The following VSTM4 variants were observed in gnomAD, a reference collection of about 807,000 sequenced individuals.
The protein encoded by VSTM4 is V-set and transmembrane domain-containing protein 4.
Under a neutral mutation model 36.4 loss-of-function variants are expected in VSTM4, and 20 were observed. The observed-to-expected ratio is 0.55, with a 90% CI of 0.39 to 0.80. The LOEUF is 0.80. Among genes scored for constraint, VSTM4 ranks in the 30% least tolerant of loss-of-function variants. The pLI, the probability that VSTM4 is intolerant of heterozygous loss-of-function variation, is 0.00. For synonymous variants in VSTM4, 182 were observed against 173.9 expected (o/e 1.05, Z -0.37); for missense variants, 392 against 404.5 (o/e 0.97, Z 0.26).
At chr10:49,109,837 G>A (rs1433515410) in intron 1 of VSTM4, among the ~76,000 whole-genome samples, 4 of 152,202 alleles carry the variant, frequency 2.6e-5, no homozygotes, top group African/African-American at 9.7e-5. Context: ...CCTCCTGCAA[G>A]GCAAATGAAG....
intron 1 of VSTM4, among the ~76,000 whole-genome samples, chr10:49,108,613 G>A (rs1331189447): frequency 1.3e-5 from 2 of 152,180 alleles, no homozygotes; most frequent in African/African-American, 4.8e-5. Flanking sequence ...GGGTTGCTTG[G>A]TTTCCTATTT....
chr10:49,085,958 CA>C lies in VSTM4; in HGVS notation c.522del (p.Phe174LeufsTer39), dbSNP rs1308173148. On this transcript the variant is annotated frameshift_variant, in exon 3 of 8. Coordinates refer to ENST00000332853, the MANE Select transcript of VSTM4 (RefSeq NM_001031746.5). LOFTEE classifies it high-confidence loss of function. ...FEKTKETWAF[F>X]EDLYVYAVLV... The stretch of plus-strand genomic sequence containing the variant: ...AAAAGAAATATACAAGCTTTACCTT[CA>C]AAAAATGCCCAAGTCTCTTTTGTTT... 2 of 1,583,896 alleles carry C rather than the reference CA, an allele frequency of 1.3e-6. No homozygotes were observed. The highest frequency in any genetic ancestry group is 1.8e-5 in the Admixed American group (1 of 54,754).
At chr10:49,060,403 G>A (rs902861866) in intron 5 of VSTM4, among the ~76,000 whole-genome samples, 10 of 152,222 alleles carry the variant, frequency 6.6e-5, no homozygotes, top group Non-Finnish European at 1.2e-4. Flanking sequence ...TTGTAATGGG[G>A]GTATAGTGAT....
intron 7 of VSTM4, among the ~76,000 whole-genome samples, chr10:49,045,689 G>A (rs150155794): frequency 1.3e-5 from 2 of 152,272 alleles, no homozygotes; most frequent in African/African-American, 4.8e-5. Flanking sequence ...AGTCTGGAAA[G>A]GAGAAAATAG....
chr10:49,036,840 C>T (rs1306725820), intron 7 of VSTM4, among the ~76,000 whole-genome samples: 3 of 152,218 alleles, frequency 2.0e-5, no homozygotes, highest in African/African-American at 7.2e-5. Context: ...ATGGAGGAGG[C>T]AGGTTCCTAC....
At chr10:49,069,035 T>G (rs1844025162) in intron 4 of VSTM4, among the ~76,000 whole-genome samples, 1 of 151,628 alleles carries the variant, frequency 6.6e-6, no homozygotes, top group Admixed American at 6.6e-5. Context: ...CCACCCTTTC[T>G]TCTTCTTTTC....
intron 2 of VSTM4, among the ~76,000 whole-genome samples, chr10:49,087,470 T>A (rs983435254): frequency 6.6e-6 from 1 of 152,208 alleles, no homozygotes; most frequent in Non-Finnish European, 1.5e-5. Flanking sequence ...TGACTCTAGA[T>A]AAAATTTTGG....
chr10:49,107,255 C>G (rs1164930717), intron 2 of VSTM4, among the ~76,000 whole-genome samples: 1 of 152,208 alleles, frequency 6.6e-6, no homozygotes, highest in Non-Finnish European at 1.5e-5. Flanking sequence ...TGCCCTGACC[C>G]CTTTGACCAG....
At chr10:49,105,329 C>CAGAGAGA (rs60466424) in intron 2 of VSTM4, among the ~76,000 whole-genome samples, 5 of 122,650 alleles carry the variant, frequency 4.1e-5, no homozygotes, top group African/African-American at 5.7e-5. Flanking sequence ...GAGAGAGAGA[C>CAGAGAGA]GGGGGGGGGA....
chr10:49,050,172 T>C (rs1023573117), intron 5 of VSTM4, among the ~76,000 whole-genome samples: 1 of 152,192 alleles, frequency 6.6e-6, no homozygotes, highest in African/African-American at 2.4e-5. Flanking sequence ...GTGGAAAAGC[T>C]AGGTGTTGGA....
At chr10:49,088,776 C>T (rs1223196250) in intron 2 of VSTM4, among the ~76,000 whole-genome samples, 1 of 152,206 alleles carries the variant, frequency 6.6e-6, no homozygotes, top group Non-Finnish European at 1.5e-5. Context: ...CTAATCAAGC[C>T]TAGATAAGGA....
rs142903506 is a variant in VSTM4, at chr10:49,077,320, T to A, written c.533A>T (p.Tyr178Phe). 3.7e-6 allele frequency: 6 copies of A among 1,614,112 alleles called. No homozygotes were observed. The African/African-American group carries it at 6.7e-5, about 18-fold the overall frequency. ...KETWAFFEDL[Y>F]VYAVLVCCVG... ...GCAGCACACGAGGACAGCATACACA[T>A]AGAGATCTGAAAGGCAAGGACAGAC... The change falls in exon 4 of 8, where the codon TAT (tyrosine) becomes TTT (phenylalanine). Residue 178 changes from tyrosine to phenylalanine, a missense_variant. Coordinates refer to ENST00000332853, the MANE Select transcript of VSTM4 (RefSeq NM_001031746.5).
At chr10:49,094,486 A>G (rs1844534583) in intron 2 of VSTM4, among the ~76,000 whole-genome samples, 1 of 152,182 alleles carries the variant, frequency 6.6e-6, no homozygotes, top group Non-Finnish European at 1.5e-5. Flanking sequence ...AATTTGCACC[A>G]GGAGAGAGCA....
In VSTM4 at chr10:49,015,275, C is replaced by A. The variant is rs1025454300; in HGVS notation, c.*4375G>T. ...TAGCTGGGACTACAGGCACCCACCA[C>A]CATGCCTGGCTAATTTTTTGTATTT... On this transcript the variant is annotated 3_prime_UTR_variant, in exon 8 of 8. Coordinates refer to ENST00000332853, the MANE Select transcript of VSTM4 (RefSeq NM_001031746.5). 2 of 152,176 alleles carry A rather than the reference C, an allele frequency of 1.3e-5. No individual in the cohort carries two copies. The highest frequency in any genetic ancestry group is 2.4e-5 in the African/African-American group (1 of 41,394). 9.4% of individuals were successfully genotyped at this position (152,176 alleles called of 1,614,324 possible).
chr10:49,040,919 A>C (rs1224956539), intron 7 of VSTM4, among the ~76,000 whole-genome samples: 5 of 152,212 alleles, frequency 3.3e-5, no homozygotes, highest in African/African-American at 1.2e-4. Flanking sequence ...GGATCACAGC[A>C]GGAAGCACTG....
chr10:49,098,346 A>G (rs1328799644), intron 2 of VSTM4, among the ~76,000 whole-genome samples: 1 of 152,196 alleles, frequency 6.6e-6, no homozygotes, highest in Non-Finnish European at 1.5e-5. Flanking sequence ...AAAAGCTGCT[A>G]CACATATTTA....
intron 5 of VSTM4, among the ~76,000 whole-genome samples, chr10:49,061,956 C>G (rs568080533): frequency 6.2e-4 from 94 of 152,218 alleles, no homozygotes; most frequent in African/African-American, 2.2e-3. Context: ...TCCTCTGTTT[C>G]TTTGTGTTAC....
At position 49,019,413 on chromosome 10, in the gene VSTM4, T is replaced by C; in HGVS notation, c.*237A>G. On this transcript the variant is annotated 3_prime_UTR_variant, in exon 8 of 8. Coordinates refer to ENST00000332853, the MANE Select transcript of VSTM4 (RefSeq NM_001031746.5). ...GCTCTCAGGATCAGAATCCTTACGC[T>C]CAGGGCTCAAACCCAGGCGCATCTT... The C allele has an allele frequency of 2.7e-6, 1 of 374,658 alleles. No individual in the cohort carries two copies. Among genetic ancestry groups the C allele is most frequent in the Non-Finnish European group, 4.5e-6 (1 of 223,802 alleles). 23.2% of individuals were successfully genotyped at this position (374,658 alleles called of 1,614,324 possible).
chr10:49,031,223 G>A (rs557496447), intron 7 of VSTM4, among the ~76,000 whole-genome samples: 1 of 152,312 alleles, frequency 6.6e-6, no homozygotes, highest in Non-Finnish European at 1.5e-5. Context: ...GGCCTACTTA[G>A]GAACATGTGC....
Sources: allele counts gnomAD v4.1 joint callset (sites outside exome capture counted in the v4.1 genomes callset), GRCh38; gene constraint gnomAD v4.1.1; transcripts MANE v1.5; gene names NCBI Gene and HGNC (gene_info 2026-07-23, HGNC 2026-07-21).